Variants in CDH13 observed in about 807,000 individuals in gnomAD.
CDH13 encodes the protein cadherin 13.
In CDH13, 24 loss-of-function variants were observed where a neutral mutation model predicts 63.8. The observed-to-expected ratio is 0.38, with a 90% confidence interval of 0.27 to 0.53. The LOEUF (loss-of-function observed/expected upper bound fraction) is 0.53, where lower values mean the gene tolerates loss of function less well. CDH13 is among the 20% of genes least tolerant of loss of function. The pLI is 0.85. For missense variants in CDH13, 1,049 were observed against 903.1 expected, an observed-to-expected ratio of 1.16 and a Z score of -2.07; for synonymous variants, 503 against 355.3, an observed-to-expected ratio of 1.42 and a Z score of -4.67.
chr16:83,185,693 T>A (rs2038495786), intron 4 of CDH13, among the ~76,000 whole-genome samples: 1 of 152,220 alleles, frequency 6.6e-6, no homozygotes, highest in Non-Finnish European at 1.5e-5. Flanking sequence ...CTGGAAATGT[T>A]CTGCAGGTTA....
rs528626160 is a variant in CDH13, at chr16:82,915,462, G to A, written c.157+56989G>A. ...CAGCTTCCTGCCCAAAGACGCCAGAGTGCTTTACAAACTTATCAAAGTGAT... is the reference window on the plus strand; with the variant it reads ...CAGCTTCCTGCCCAAAGACGCCAGAATGCTTTACAAACTTATCAAAGTGAT... On this transcript the variant is annotated intron_variant, in intron 2 of 13. Coordinates refer to ENST00000567109, the MANE Select transcript of CDH13 (RefSeq NM_001257.5). Among the ~76,000 whole-genome samples the A allele has an allele frequency of 6.6e-5, 10 of 152,268 alleles. No homozygotes were observed. In the South Asian group the frequency reaches 1.5e-3, roughly 22 times the overall value.
intron 1 of CDH13, among the ~76,000 whole-genome samples, chr16:82,839,005 A>G (rs1200708048): frequency 2.6e-5 from 4 of 152,250 alleles, no homozygotes; most frequent in Non-Finnish European, 5.9e-5. Flanking sequence ...ATGAAAGCAG[A>G]CATACACAAT....
At chr16:83,323,631 C>CA (rs929255744) in intron 5 of CDH13, among the ~76,000 whole-genome samples, 14 of 152,024 alleles carry the variant, frequency 9.2e-5, no homozygotes, top group African/African-American at 3.4e-4. Flanking sequence ...CAAAAATAAA[C>CA]AAAAAATAAA....
chr16:83,194,849 G>A (rs1307131270), intron 4 of CDH13, among the ~76,000 whole-genome samples: 2 of 152,138 alleles, frequency 1.3e-5, no homozygotes, highest in Non-Finnish European at 2.9e-5. Flanking sequence ...ATCATTTCAG[G>A]AGGCAAGGTG....
chr16:83,058,878 C>G (rs1201606071), intron 3 of CDH13, among the ~76,000 whole-genome samples: 1 of 152,116 alleles, frequency 6.6e-6, no homozygotes, highest in South Asian at 2.1e-4. Flanking sequence ...CAAGGCTTTG[C>G]AAGGATATTT....
chr16:83,771,491 T>G (rs1400452923), intron 11 of CDH13, among the ~76,000 whole-genome samples: 1 of 152,160 alleles, frequency 6.6e-6, no homozygotes, highest in African/African-American at 2.4e-5. Flanking sequence ...CAAGCAGAGG[T>G]TGAATGCCAG....
chr16:83,062,631 TGACA>T (rs1241928845), intron 3 of CDH13, among the ~76,000 whole-genome samples: 1 of 152,196 alleles, frequency 6.6e-6, no homozygotes, highest in Non-Finnish European at 1.5e-5. Context: ...GGCTGCTGTG[TGACA>T]GGGGATTAGA....
At chr16:82,763,320 T>C (rs2151086800) in intron 1 of CDH13, among the ~76,000 whole-genome samples, 1 of 152,354 alleles carries the variant, frequency 6.6e-6, no homozygotes, top group African/African-American at 2.4e-5. Context: ...ACTTATTTCC[T>C]GACACAGTAA....
At chr16:83,506,836 A>C (rs2074407802) in intron 7 of CDH13, among the ~76,000 whole-genome samples, 1 of 152,204 alleles carries the variant, frequency 6.6e-6, no homozygotes, top group African/African-American at 2.4e-5. Context: ...AGCCAGCATC[A>C]ATTCTTTAGC....
intron 6 of CDH13, among the ~76,000 whole-genome samples, chr16:83,460,877 G>C (rs2073159234): frequency 6.6e-6 from 1 of 150,514 alleles, no homozygotes; most frequent in Non-Finnish European, 1.5e-5. Context: ...GGCGGCCCAT[G>C]CCTATGGTCC....
chr16:83,468,682 C>T (rs2073380090), intron 6 of CDH13, among the ~76,000 whole-genome samples: 2 of 152,200 alleles, frequency 1.3e-5, no homozygotes, highest in Admixed American at 6.5e-5. Context: ...CCCTTTCTGT[C>T]TCTTTTCACC....
intron 6 of CDH13, among the ~76,000 whole-genome samples, chr16:83,351,400 C>T (rs538575444): frequency 6.6e-6 from 1 of 151,662 alleles, no homozygotes; most frequent in Non-Finnish European, 1.5e-5. Context: ...GAGATAACCA[C>T]AGTTGACATT....
At chr16:83,503,997 C>A (rs8060507) in intron 7 of CDH13, among the ~76,000 whole-genome samples, 3 of 151,598 alleles carry the variant, frequency 2.0e-5, no homozygotes, top group East Asian at 2.0e-4. Flanking sequence ...GACAGATGCC[C>A]AATGCATGTG....
In CDH13 at chr16:82,927,610, A is replaced by G. The variant is rs368592567; in HGVS notation, c.157+69137A>G. Among the ~76,000 whole-genome samples the G allele has an allele frequency of 1.2e-4, 19 of 152,270 alleles. No homozygotes were observed. In the East Asian group the frequency reaches 2.5e-3, roughly 20 times the overall value. On this transcript the variant is annotated intron_variant, in intron 2 of 13. Transcript: ENST00000567109. ...CTTACATTTTACTTTTCGGCCTAGA[A>G]ACTGTTCCTCAAGAACTCTTCCCTA... is the stretch of plus-strand genomic sequence containing the variant.
chr16:82,684,953 C>G (rs531858749), intron 1 of CDH13, among the ~76,000 whole-genome samples: 1 of 130,180 alleles, frequency 7.7e-6, no homozygotes, highest in South Asian at 2.7e-4. Flanking sequence ...GTAAATTCAC[C>G]TATTTAATGT....
intron 2 of CDH13, among the ~76,000 whole-genome samples, chr16:82,922,689 T>C (rs1018514498): frequency 7.2e-5 from 11 of 152,210 alleles, no homozygotes; most frequent in African/African-American, 2.7e-4. Flanking sequence ...GTGAGAATTC[T>C]ACTTATGTGC....
chr16:83,193,732 C>T (rs895782730), intron 4 of CDH13, among the ~76,000 whole-genome samples: 1 of 152,168 alleles, frequency 6.6e-6, no homozygotes, highest in Admixed American at 6.5e-5. Flanking sequence ...TGCATCTTCA[C>T]CAAGGAGTGG....
At chr16:83,222,205 C>A (rs1445832808) in intron 5 of CDH13, among the ~76,000 whole-genome samples, 1 of 152,188 alleles carries the variant, frequency 6.6e-6, no homozygotes, top group Non-Finnish European at 1.5e-5. Flanking sequence ...GCTCACATTT[C>A]ATACTATATA....
intron 2 of CDH13, among the ~76,000 whole-genome samples, chr16:82,937,546 C>T (rs1034114238): frequency 6.6e-6 from 1 of 152,132 alleles, no homozygotes; most frequent in South Asian, 2.1e-4. Context: ...TAATGCCATA[C>T]CTAGCACATA....
Sources: allele counts gnomAD v4.1 joint callset (sites outside exome capture counted in the v4.1 genomes callset), GRCh38; gene constraint gnomAD v4.1.1; transcripts MANE v1.5; gene names NCBI Gene and HGNC (gene_info 2026-07-23, HGNC 2026-07-21).